Variants in CYP24A1 observed in about 807,000 individuals in gnomAD.
The protein encoded by CYP24A1 is 1,25-dihydroxyvitamin D(3) 24-hydroxylase, mitochondrial.
In CYP24A1, 68 loss-of-function variants were observed where a neutral mutation model predicts 62.4. The observed-to-expected ratio is 1.09, with a 90% CI of 0.90 to 1.33. The LOEUF (loss-of-function observed/expected upper bound fraction) is 1.33, where lower values mean the gene tolerates loss of function less well. Ranked by LOEUF, CYP24A1 falls within the 40% of genes most tolerant of loss-of-function variation. The pLI, the probability that CYP24A1 is intolerant of heterozygous loss-of-function variation, is 0.00. For missense variants in CYP24A1, 787 were observed against 653.0 expected (o/e 1.21, Z -2.24); for synonymous variants, 267 against 253.0 (o/e 1.06, Z -0.52).
At position 54,173,279 on chromosome 20, in the gene CYP24A1, C is replaced by T. The variant is rs1306850684; in HGVS notation, c.258+43G>A. On this transcript the variant is annotated intron_variant, in intron 1 of 11. Coordinates refer to ENST00000216862, the MANE Select transcript of CYP24A1 (RefSeq NM_000782.5). This position sits in a 1 kb window ranked among gnomAD's most constrained non-coding sequence, Gnocchi z 7.2. Reference sequence around the variant, plus strand: ...AGGGTTTGGAGCGCCACTGGGAGGGCGGAAGAGGGAGGAGAGAGTCAGGGG... The same window carrying T: ...AGGGTTTGGAGCGCCACTGGGAGGGTGGAAGAGGGAGGAGAGAGTCAGGGG... The T allele has an allele frequency of 5.7e-6, 9 of 1,581,198 alleles. No homozygotes were observed. In the South Asian group the frequency reaches 7.8e-5, roughly 14 times the overall value.
chr20:54,165,985 A>ACC, intron 4 of CYP24A1, 152 bp from the exon 5 acceptor site: 17 of 668,248 alleles, frequency 2.5e-5, no homozygotes, highest in Admixed American at 1.0e-4. Context: ...GAGGAAAAGC[A>ACC]GAGTCTGAGA....
In CYP24A1 at chr20:54,161,979, A is replaced by C. The variant is rs533663088; in HGVS notation, c.990+738T>G. Reference sequence around the variant, plus strand: ...GGTTAGCGTGCGCCACTCCCATCACAGCTCGAACTAGTATCCAAGTCAATT... The same window carrying C: ...GGTTAGCGTGCGCCACTCCCATCACCGCTCGAACTAGTATCCAAGTCAATT... On this transcript the variant is annotated intron_variant, in intron 7 of 11. Transcript: ENST00000216862. Among the ~76,000 whole-genome samples the C allele has an allele frequency of 2.0e-5, 3 of 152,316 alleles. No homozygotes were observed. In the South Asian group the frequency reaches 6.2e-4, roughly 32 times the overall value.
rs760760499 is a variant in CYP24A1 at position 54,173,403 on chromosome 20, C to A, written c.177G>T (p.Pro59=). 1 of 1,581,202 alleles carries A rather than the reference C, an allele frequency of 6.3e-7. No individual in the cohort carries two copies. The highest frequency in any genetic ancestry group is 1.1e-5 in the South Asian group (1 of 87,158). ...CCAGCAGTGGCCAGCTGGTGGGGCC[C>A]GGCAGGGCGGCCGCGTTCTGAGTCT... ...GGETQNAAAL[P]GPTSWPLLGS... Residue 59 remains proline (P), a synonymous_variant, in exon 1 of 12, where the codon CCG becomes CCT. Transcript: ENST00000216862. This position sits in a 1 kb window ranked among gnomAD's most constrained non-coding sequence, Gnocchi z 7.2.
chr20:54,164,763 G>T (rs1359813729), intron 5 of CYP24A1, among the ~76,000 whole-genome samples, 200 bp from the exon 6 acceptor site: 3 of 151,404 alleles, frequency 2.0e-5, no homozygotes, highest in Non-Finnish European at 4.4e-5. Context: ...AATATTGAAG[G>T]TAATGTGGGG....
chr20:54,172,856 C>A, intron 2 of CYP24A1, 53 bp downstream of exon 2: 2 of 1,611,366 alleles, frequency 1.2e-6, no homozygotes, highest in Non-Finnish European at 1.7e-6. Context: ...TTCCAGGCGC[C>A]GTCAGGCTCA....
chr20:54,168,786 C>CTT (rs2092682095), intron 4 of CYP24A1, among the ~76,000 whole-genome samples: 1 of 107,344 alleles, frequency 9.3e-6, no homozygotes, highest in Non-Finnish European at 2.0e-5. Context: ...TTCCCTCCCT[C>CTT]CCTTCTGCCT....
chr20:54,157,406 C>T lies in CYP24A1; in HGVS notation c.1416G>A (p.Leu472=). Residue 472 remains leucine (L), a synonymous_variant, in exon 10 of 12, where the codon CTG becomes CTA. Transcript: ENST00000216862. ...GTTTTACCCAACAAAGAGCCAAATG[C>T]AGTTGAAGCTCTGCTAATCGGCGAC... is the stretch of plus-strand genomic sequence containing the variant. ...CIGRRLAELQ[L]HLALCWIVRK... The T allele has an allele frequency of 6.3e-7, 1 of 1,592,942 alleles. No individual in the cohort carries two copies.
At position 54,160,354 on chromosome 20, in the gene CYP24A1, G is replaced by A. The variant is rs569371662; in HGVS notation, c.991-1231C>T. Reference sequence around the variant, plus strand: ...TAATATTCACCACTAGTAGTCATATGTATTTATTTTTTAGGCCGTACTTTG... The same window carrying A: ...TAATATTCACCACTAGTAGTCATATATATTTATTTTTTAGGCCGTACTTTG... On this transcript the variant is annotated intron_variant, in intron 7 of 11. Coordinates refer to ENST00000216862, the MANE Select transcript of CYP24A1 (RefSeq NM_000782.5). Among the ~76,000 whole-genome samples, 5 of 152,326 alleles carry A rather than the reference G, an allele frequency of 3.3e-5. No individual in the cohort carries two copies. In the South Asian group the frequency reaches 8.3e-4, roughly 25 times the overall value.
the CYP24A1 span, among the ~76,000 whole-genome samples, chr20:54,143,707 CAA>C: frequency 5.4e-5 from 8 of 148,112 alleles, no homozygotes; most frequent in Admixed American, 1.3e-4. Context: ...GAAGGATAAA[CAA>C]AAAGAAAATA....
chr20:54,158,624 C>G (rs1336199820), intron 8 of CYP24A1, among the ~76,000 whole-genome samples: 1 of 152,180 alleles, frequency 6.6e-6, no homozygotes, highest in Non-Finnish European at 1.5e-5. Context: ...TTCTCTGTGT[C>G]CTATTATATA....
chr20:54,156,873 T>C (rs2092629860), intron 11 of CYP24A1, among the ~76,000 whole-genome samples: 2 of 152,208 alleles, frequency 1.3e-5, no homozygotes, highest in Admixed American at 1.3e-4. Context: ...ACCCTTACTA[T>C]TCACATGCAA....
At chr20:54,158,890 C>T (rs1424953918) in intron 8 of CYP24A1, 67 bp downstream of exon 8, 1 of 1,612,874 alleles carries the variant, frequency 6.2e-7, no homozygotes, top group African/African-American at 1.3e-5. Flanking sequence ...AGTAGGGGAC[C>T]ACTTGTTTTG....
chr20:54,169,861 C>CGGATA (rs572938837), intron 3 of CYP24A1, among the ~76,000 whole-genome samples, 173 bp from the exon 4 acceptor site: 9 of 152,322 alleles, frequency 5.9e-5, no homozygotes, highest in African/African-American at 2.2e-4. Flanking sequence ...CCACCTTATC[C>CGGATA]CCTAATGACC....
downstream of CYP24A1, among the ~76,000 whole-genome samples, chr20:54,150,486 A>G (rs2092610946): frequency 6.6e-6 from 1 of 152,094 alleles, no homozygotes; most frequent in Non-Finnish European, 1.5e-5. Context: ...AGCACCTGCC[A>G]CCATGCCCAG....
rs556061223 is a variant in CYP24A1 at position 54,162,576 on chromosome 20, T to C, written c.990+141A>G. The C allele has an allele frequency of 1.4e-5, 8 of 577,828 alleles. No individual in the cohort carries two copies. In the South Asian group the frequency reaches 1.4e-4, roughly 10 times the overall value. 35.8% of individuals were successfully genotyped at this position (577,828 alleles called of 1,614,324 possible). On this transcript the variant is annotated intron_variant, in intron 7 of 11. Coordinates refer to ENST00000216862, the MANE Select transcript of CYP24A1 (RefSeq NM_000782.5). ...CTGTGCGCGGAGGCACCGTGGCATCTAGTATGAGACTTTTCATTTTTGTGG... is the reference window on the plus strand; with the variant it reads ...CTGTGCGCGGAGGCACCGTGGCATCCAGTATGAGACTTTTCATTTTTGTGG...
At position 54,154,132 on chromosome 20, in the gene CYP24A1, C is replaced by G. The variant is rs552524333; in HGVS notation, c.*640G>C. ...CACATACACAATTTAAAAATTATTG[C>G]TTCATCTTTACCCTAATGCCATAAA... On this transcript the variant is annotated 3_prime_UTR_variant, in exon 12 of 12. Transcript: ENST00000216862. The G allele has an allele frequency of 6.6e-6, 1 of 152,198 alleles. No individual in the cohort carries two copies. The highest frequency in any genetic ancestry group is 2.4e-5 in the African/African-American group (1 of 41,528). 9.4% of individuals were successfully genotyped at this position (152,198 alleles called of 1,614,324 possible). A position where few individuals can be genotyped will look rare whatever the true frequency, so the allele number is the denominator to read the frequency against.
rs998186085 is a variant in CYP24A1 at position 54,159,109 on chromosome 20, T to C, written c.1005A>G (p.Leu335=). Residue 335 remains leucine, a synonymous_variant, in exon 8 of 12, where the codon CTA becomes CTG. Coordinates refer to ENST00000216862, the MANE Select transcript of CYP24A1 (RefSeq NM_000782.5). ...LAAVETTANS[L]MWILYNLSRN... ...GGGATAAATTGTAGAGAATCCACAT[T>C]AGACTGTTTGCTGTCTGCAAGCCAA... 4 of 1,613,492 alleles carry C rather than the reference T, an allele frequency of 2.5e-6. No homozygotes were observed. Among genetic ancestry groups the C allele is most frequent in the Non-Finnish European group, 3.4e-6 (4 of 1,179,390 alleles).
chr20:54,170,686 G>C (rs1231104627), intron 3 of CYP24A1, among the ~76,000 whole-genome samples: 1 of 152,138 alleles, frequency 6.6e-6, no homozygotes, highest in Non-Finnish European at 1.5e-5. Context: ...TCGTTTGCTG[G>C]AACTGGGGCT....
chr20:54,156,586 G>C (rs2092628716), intron 11 of CYP24A1, among the ~76,000 whole-genome samples: 1 of 152,188 alleles, frequency 6.6e-6, no homozygotes, highest in South Asian at 2.1e-4. Flanking sequence ...TCCAGAAAGA[G>C]CCCCGACAAC....
Sources: gnomAD v4.1 joint callset for allele counts (sites outside exome capture counted in the v4.1 genomes callset) on GRCh38, gnomAD v4.1.1 for gene constraint, Gnocchi (gnomAD v3.1) non-coding constraint, MANE v1.5 for transcripts, NCBI Gene and HGNC (gene_info 2026-07-23, HGNC 2026-07-21) for gene names.